The following CCDC178 variants were observed in gnomAD, a reference collection of about 807,000 sequenced individuals.
CCDC178 encodes coiled-coil domain containing 178.
CCDC178 carries 126 observed loss-of-function variants against 117.4 expected under a neutral mutation model. That is an observed-to-expected ratio of 1.07 (90% CI 0.93 to 1.24). The LOEUF (loss-of-function observed/expected upper bound fraction) is 1.24, where lower values mean the gene tolerates loss of function less well. Among genes scored for constraint, CCDC178 ranks in the 50% most tolerant of loss-of-function variants. The probability of loss-of-function intolerance (pLI) is 0.00; values close to 1 mark genes in which losing one functional copy is unlikely to be tolerated. For missense variants in CCDC178, 1,030 were observed against 986.9 expected (o/e 1.04, Z -0.59); for synonymous variants, 283 against 313.4 (o/e 0.90, Z 1.02).
intron 20 of CCDC178, among the ~76,000 whole-genome samples, chr18:33,111,005 T>C (rs2057773505): frequency 6.6e-6 from 1 of 151,616 alleles, no homozygotes; most frequent in African/African-American, 2.4e-5. Context: ...TTCAAAATAC[T>C]GAATTTCCAA....
chr18:33,366,491 A>C (rs1278384502), intron 6 of CCDC178, among the ~76,000 whole-genome samples: 3 of 152,028 alleles, frequency 2.0e-5, no homozygotes. Context: ...TCTAACATTA[A>C]AACCCAAAGG....
chr18:32,957,382 G>T (rs1364957834), intron 22 of CCDC178, among the ~76,000 whole-genome samples: 1 of 152,122 alleles, frequency 6.6e-6, no homozygotes, highest in East Asian at 1.9e-4. Context: ...ATCCAAAATG[G>T]TGTGATGTTA....
chr18:33,134,241 T>A (rs972189103), intron 20 of CCDC178, among the ~76,000 whole-genome samples: 2 of 151,996 alleles, frequency 1.3e-5, no homozygotes, highest in Admixed American at 6.6e-5. Flanking sequence ...ATAAAAATAT[T>A]CATATTATGC....
At chr18:33,081,169 C>T (rs1228132080) in intron 21 of CCDC178, among the ~76,000 whole-genome samples, 3 of 152,102 alleles carry the variant, frequency 2.0e-5, no homozygotes, top group African/African-American at 7.2e-5. Context: ...CACAATGTGT[C>T]TGAGGTTTTA....
chr18:33,435,687 T>TAATAATATTTATTATTATAATAC (rs1392593031), intron 2 of CCDC178, among the ~76,000 whole-genome samples: 66 of 150,304 alleles, frequency 4.4e-4, no homozygotes, highest in East Asian at 3.5e-3. Flanking sequence ...TTATTTATAA[T>TAATAATATTTATTATTATAATAC]AATAATATTT....
chr18:32,956,400 C>T (rs1291829412), intron 22 of CCDC178, among the ~76,000 whole-genome samples: 1 of 152,158 alleles, frequency 6.6e-6, no homozygotes, highest in Non-Finnish European at 1.5e-5. Context: ...TATACAACCA[C>T]TTAGTTTAAC....
intron 20 of CCDC178, among the ~76,000 whole-genome samples, chr18:33,181,714 T>TA (rs1438424924): frequency 1.3e-5 from 2 of 151,900 alleles, no homozygotes; most frequent in African/African-American, 4.8e-5. Flanking sequence ...GCCCATACAT[T>TA]AATATAGTCT....
chr18:33,302,670 A>G (rs182535798), intron 11 of CCDC178, among the ~76,000 whole-genome samples: 1 of 152,352 alleles, frequency 6.6e-6, no homozygotes, highest in East Asian at 1.9e-4. Flanking sequence ...ACGTAATACT[A>G]TTCTCCACAA....
At chr18:33,200,491 A>G (rs2058979395) in intron 20 of CCDC178, among the ~76,000 whole-genome samples, 1 of 152,216 alleles carries the variant, frequency 6.6e-6, no homozygotes, top group Non-Finnish European at 1.5e-5. Flanking sequence ...TTAGTATGAC[A>G]TTCAGAGCCT....
chr18:33,344,574 C>CTATT (rs1382454518), intron 9 of CCDC178, among the ~76,000 whole-genome samples: 1 of 151,934 alleles, frequency 6.6e-6, no homozygotes, highest in Non-Finnish European at 1.5e-5. Context: ...TACCTAAGCA[C>CTATT]TATTACAAAG....
At chr18:33,223,753 G>A (rs1159448976) in intron 17 of CCDC178, among the ~76,000 whole-genome samples, 1 of 152,032 alleles carries the variant, frequency 6.6e-6, no homozygotes, top group Non-Finnish European at 1.5e-5. Flanking sequence ...CCTCACTTAG[G>A]CTTTTGATGC....
intron 14 of CCDC178, among the ~76,000 whole-genome samples, chr18:33,247,079 T>TGC (rs1215519055): frequency 6.7e-6 from 1 of 148,252 alleles, no homozygotes; most frequent in Non-Finnish European, 1.5e-5. Context: ...GTGTTACGTG[T>TGC]GTGTGTGTGT....
At chr18:33,294,525 C>G (rs1167675590) in intron 11 of CCDC178, among the ~76,000 whole-genome samples, 1 of 152,140 alleles carries the variant, frequency 6.6e-6, no homozygotes, top group Non-Finnish European at 1.5e-5. Context: ...TTCTTATGCA[C>G]CAACCCTGAT....
intron 12 of CCDC178, among the ~76,000 whole-genome samples, chr18:33,291,075 T>C (rs1004233989): frequency 7.2e-5 from 11 of 152,104 alleles, no homozygotes; most frequent in Non-Finnish European, 1.6e-4. Context: ...TTGAACATTC[T>C]AAACATAGTT....
intron 8 of CCDC178, 136 bp from the exon 9 acceptor site, chr18:33,346,547 TA>T (rs1321398535): frequency 4.9e-6 from 2 of 407,438 alleles, no homozygotes; most frequent in African/African-American, 2.1e-5. Flanking sequence ...AATTACCTTT[TA>T]AAAAAGTTTT....
At chr18:33,264,603 G>A (rs563021913) in intron 14 of CCDC178, among the ~76,000 whole-genome samples, 2 of 152,092 alleles carry the variant, frequency 1.3e-5, no homozygotes, top group East Asian at 3.9e-4. Context: ...ATACACCATG[G>A]AAATCCTTCC....
rs73417497 is a variant in CCDC178, at chr18:33,115,881, G to T, written c.2239-22971C>A. On this transcript the variant is annotated intron_variant, in intron 20 of 22. Transcript: ENST00000383096. Reference sequence around the variant, plus strand: ...GATAAGTGCATTTCAAGTAGTTACAGTATACATGATGACTCTTTTATTGCA... The same window carrying T: ...GATAAGTGCATTTCAAGTAGTTACATTATACATGATGACTCTTTTATTGCA... 7.5e-3 allele frequency among the ~76,000 whole-genome samples: 1,140 copies of T among 152,126 alleles called. 12 individuals carry two copies. The highest frequency in any genetic ancestry group is 0.026 in the African/African-American group (1,061 of 41,512).
chr18:33,317,245 C>T (rs569151151), intron 11 of CCDC178, among the ~76,000 whole-genome samples: 2 of 152,150 alleles, frequency 1.3e-5, no homozygotes, highest in East Asian at 1.9e-4. Flanking sequence ...CTGAAGCCAA[C>T]GAGACCACGA....
At chr18:33,052,123 AT>A (rs1389382991) in intron 21 of CCDC178, among the ~76,000 whole-genome samples, 5 of 151,342 alleles carry the variant, frequency 3.3e-5, no homozygotes, top group African/African-American at 4.9e-5. Context: ...CTCAAATTTA[AT>A]TTTTTTTTAG....
Sources: allele counts gnomAD v4.1 joint callset (sites outside exome capture counted in the v4.1 genomes callset), GRCh38; gene constraint gnomAD v4.1.1; transcripts MANE v1.5; gene names NCBI Gene and HGNC (gene_info 2026-07-23, HGNC 2026-07-21).